Variants in RIMS1 observed in about 807,000 individuals in gnomAD.
RIMS1 encodes regulating synaptic membrane exocytosis 1, also known as regulating synaptic membrane exocytosis protein 1.
In RIMS1, 83 loss-of-function variants were observed where a neutral mutation model predicts 214.1. That is an observed-to-expected ratio of 0.39 (90% CI 0.32 to 0.47). The LOEUF (loss-of-function observed/expected upper bound fraction) is 0.47. Ranked by LOEUF, RIMS1 falls within the 20% of genes least tolerant of loss-of-function variation. The pLI, the probability that RIMS1 is intolerant of heterozygous loss-of-function variation, is 0.99. For missense variants in RIMS1, 2,050 were observed against 2,161.8 expected, an observed-to-expected ratio of 0.95 and a Z score of 1.03; for synonymous variants, 793 against 786.8, an observed-to-expected ratio of 1.01 and a Z score of -0.13.
chr6:72,263,447 C>G (rs1591130370), intron 19 of RIMS1: 1 of 972,500 alleles, frequency 1.0e-6, no homozygotes, highest in Non-Finnish European at 1.2e-6. Context: ...AATCGAATTA[C>G]CCAGGTCACA....
At chr6:72,306,244 C>T (rs2095146580) in intron 26 of RIMS1, among the ~76,000 whole-genome samples, 1 of 151,844 alleles carries the variant, frequency 6.6e-6, no homozygotes, top group Non-Finnish European at 1.5e-5. Flanking sequence ...TACACACACA[C>T]ACGCATGCTC....
At chr6:72,355,768 T>C (rs765815368) in intron 29 of RIMS1, among the ~76,000 whole-genome samples, 1 of 152,156 alleles carries the variant, frequency 6.6e-6, no homozygotes, top group African/African-American at 2.4e-5. Context: ...CCCTATGAAG[T>C]CTTCTGACAT....
intron 1 of RIMS1, among the ~76,000 whole-genome samples, chr6:71,908,166 C>T (rs1775811977): frequency 6.6e-6 from 1 of 152,130 alleles, no homozygotes; most frequent in South Asian, 2.1e-4. Flanking sequence ...TGTTTTTATT[C>T]CTTTAGGGAA....
intron 22 of RIMS1, among the ~76,000 whole-genome samples, chr6:72,266,931 A>G (rs1331127258): frequency 1.3e-5 from 2 of 152,122 alleles, no homozygotes; most frequent in East Asian, 3.8e-4. Context: ...CCTCCTTCTT[A>G]GTAGGCTACT....
intron 27 of RIMS1, among the ~76,000 whole-genome samples, chr6:72,313,022 A>C (rs2095589562): frequency 6.6e-6 from 1 of 152,090 alleles, no homozygotes; most frequent in Non-Finnish European, 1.5e-5. Context: ...AAAATGTTCC[A>C]CTGAGCATTT....
chr6:72,328,585 A>G (rs927093225), intron 28 of RIMS1, among the ~76,000 whole-genome samples: 8 of 151,798 alleles, frequency 5.3e-5, no homozygotes, highest in African/African-American at 1.4e-4. Context: ...AATATTTGCT[A>G]CTTGGACAAC....
intron 4 of RIMS1, among the ~76,000 whole-genome samples, chr6:72,110,299 G>A (rs2153818902): frequency 6.6e-6 from 1 of 152,278 alleles, no homozygotes; most frequent in African/African-American, 2.4e-5. Flanking sequence ...GGGCAGTATG[G>A]CCATTTTCAT....
chr6:71,900,529 G>A (rs563356258), intron 1 of RIMS1, among the ~76,000 whole-genome samples: 12 of 152,242 alleles, frequency 7.9e-5, no homozygotes, highest in Admixed American at 2.0e-4. Context: ...GGAGGCTACT[G>A]TAGAAATCCA....
intron 28 of RIMS1, among the ~76,000 whole-genome samples, chr6:72,331,758 C>T (rs865955817): frequency 1.3e-5 from 2 of 151,672 alleles, no homozygotes; most frequent in Non-Finnish European, 2.9e-5. Flanking sequence ...AAATGCATAG[C>T]AAAATTATCA....
At chr6:72,099,387 CA>C (rs2153807417) in intron 3 of RIMS1, among the ~76,000 whole-genome samples, 1 of 152,136 alleles carries the variant, frequency 6.6e-6, no homozygotes, top group Non-Finnish European at 1.5e-5. Flanking sequence ...ATTCGGAGCA[CA>C]AGACAAAAAC....
At chr6:71,951,484 T>C (rs9351880) in intron 1 of RIMS1, among the ~76,000 whole-genome samples, 2 of 59,236 alleles carry the variant, frequency 3.4e-5, no homozygotes, top group African/African-American at 7.9e-5. Context: ...TTTTCTTTTT[T>C]TTTTTTTTTG....
chr6:72,202,309 G>A (rs2052135271), intron 6 of RIMS1, among the ~76,000 whole-genome samples: 1 of 152,156 alleles, frequency 6.6e-6, no homozygotes, highest in African/African-American at 2.4e-5. Context: ...CAGGGTGTTG[G>A]CAGGGTTGGT....
At chr6:72,020,221 A>G (rs1814193942) in intron 2 of RIMS1, among the ~76,000 whole-genome samples, 1 of 152,222 alleles carries the variant, frequency 6.6e-6, no homozygotes, top group Admixed American at 6.5e-5. Context: ...TACTATAATG[A>G]TAACATTCTA....
intron 4 of RIMS1, among the ~76,000 whole-genome samples, chr6:72,124,287 G>A (rs989627973): frequency 6.6e-6 from 1 of 151,840 alleles, no homozygotes; most frequent in African/African-American, 2.4e-5. Flanking sequence ...CTTTAAGAAT[G>A]TTGAATATTG....
intron 23 of RIMS1, among the ~76,000 whole-genome samples, chr6:72,281,136 T>C (rs953514499): frequency 6.6e-6 from 1 of 152,136 alleles, no homozygotes; most frequent in African/African-American, 2.4e-5. Context: ...GTTCAGATTA[T>C]GGACTCTCAG....
At chr6:72,027,668 G>C (rs931216214) in intron 2 of RIMS1, among the ~76,000 whole-genome samples, 56 of 151,934 alleles carry the variant, frequency 3.7e-4, no homozygotes, top group Admixed American at 1.3e-4. Flanking sequence ...CTTGGTCTCA[G>C]CCTCTTTCAT....
intron 4 of RIMS1, among the ~76,000 whole-genome samples, chr6:72,144,728 A>G (rs1275380461): frequency 6.6e-6 from 1 of 152,066 alleles, no homozygotes; most frequent in African/African-American, 2.4e-5. Context: ...AGTTTTTTAC[A>G]TTACCCATCC....
intron 4 of RIMS1, among the ~76,000 whole-genome samples, chr6:72,151,233 G>T (rs949867054): frequency 6.6e-6 from 1 of 151,946 alleles, no homozygotes; most frequent in African/African-American, 2.4e-5. Flanking sequence ...TAGTAGAGAC[G>T]GGGTTTCACC....
At chr6:72,253,118 T>G (rs183877194) in intron 16 of RIMS1, among the ~76,000 whole-genome samples, 235 of 152,300 alleles carry the variant, frequency 1.5e-3, no homozygotes, top group African/African-American at 5.4e-3. Flanking sequence ...AATACGAATT[T>G]TATTTTGAAA....
Sources: gnomAD v4.1 joint callset for allele counts (sites outside exome capture counted in the v4.1 genomes callset) on GRCh38, gnomAD v4.1.1 for gene constraint, MANE v1.5 for transcripts, NCBI Gene and HGNC (gene_info 2026-07-23, HGNC 2026-07-21) for gene names.